Variants in GATA3 observed in about 807,000 individuals in gnomAD.
The protein encoded by GATA3 is GATA binding protein 3.
GATA3 carries 6 observed loss-of-function variants against 36.0 expected under a neutral mutation model. The ratio of observed to expected loss-of-function variants is 0.17; its 90% CI spans 0.09 to 0.33. The LOEUF is 0.33. Ranked by LOEUF, GATA3 falls within the 10% of genes least tolerant of loss-of-function variation. GATA3 has a pLI of 1.00. For synonymous variants in GATA3, 326 were observed against 273.0 expected, an observed-to-expected ratio of 1.19 and a Z score of -1.92; for missense variants, 514 against 610.1, an observed-to-expected ratio of 0.84 and a Z score of 1.66.
At chr10:8,060,210 G>T (rs1161394456) in intron 3 of GATA3, among the ~76,000 whole-genome samples, 2 of 152,262 alleles carry the variant, frequency 1.3e-5, no homozygotes, top group Non-Finnish European at 2.9e-5. Flanking sequence ...CGCGACAGTT[G>T]CATTGTTTAT....
At chr10:8,050,779 TG>T, upstream of GATA3, 1 of 342,128 alleles carries the variant, frequency 2.9e-6, no homozygotes, top group Non-Finnish European at 6.0e-6. Flanking sequence ...GCGCTCTGCT[TG>T]CAAAGTCTTT....
chr10:8,058,194 T>A, intron 2 of GATA3, 111 bp from the exon 3 acceptor site: 2 of 1,233,386 alleles, frequency 1.6e-6, no homozygotes, highest in South Asian at 2.5e-5. Flanking sequence ...CCCGGGCTTT[T>A]GCTGAAAAGG....
intron 2 of GATA3, among the ~76,000 whole-genome samples, chr10:8,056,394 C>T (rs1341939768): frequency 6.6e-6 from 1 of 152,206 alleles, no homozygotes; most frequent in Admixed American, 6.5e-5. Context: ...TGCCAGCGTC[C>T]CTCAATTCGC....
upstream of GATA3, chr10:8,050,375 C>T (rs1325869205): frequency 6.6e-6 from 1 of 152,304 alleles, no homozygotes; most frequent in South Asian, 2.1e-4. Flanking sequence ...GCCGCGGACC[C>T]GGCTGGTGCG....
At chr10:8,059,318 C>G (rs1033001578) in intron 3 of GATA3, among the ~76,000 whole-genome samples, 1 of 152,182 alleles carries the variant, frequency 6.6e-6, no homozygotes, top group African/African-American at 2.4e-5. Flanking sequence ...AAGGGGACCA[C>G]GCAGTGAGGA....
intron 4 of GATA3, among the ~76,000 whole-genome samples, chr10:8,067,700 C>A (rs1832867215): frequency 6.6e-6 from 1 of 151,934 alleles, no homozygotes; most frequent in Non-Finnish European, 1.5e-5. Context: ...CGCCTGTAGT[C>A]CCAGCTACTT....
At chr10:8,059,269 T>C (rs1412127715) in intron 3 of GATA3, among the ~76,000 whole-genome samples, 1 of 152,206 alleles carries the variant, frequency 6.6e-6, no homozygotes, top group Non-Finnish European at 1.5e-5. Flanking sequence ...ATGACCCCTT[T>C]GGCCTCTGTC....
At chr10:8,049,775 G>C (rs564969267), upstream of GATA3, among the ~76,000 whole-genome samples, 3 of 152,292 alleles carry the variant, frequency 2.0e-5, no homozygotes, top group Non-Finnish European at 1.5e-5. Flanking sequence ...ACGGAGGTGT[G>C]CGCGCTCCAA....
intron 4 of GATA3, among the ~76,000 whole-genome samples, chr10:8,067,310 T>C (rs1192185667): frequency 6.6e-6 from 1 of 152,164 alleles, no homozygotes; most frequent in Non-Finnish European, 1.5e-5. Flanking sequence ...AGTTTCCAGT[T>C]CCTTAGAACA....
upstream of GATA3, chr10:8,050,909 G>A (rs748206868): frequency 1.3e-5 from 6 of 479,248 alleles, no homozygotes; most frequent in African/African-American, 8.2e-5. Context: ...TACCCAGGTC[G>A]GGCAGCGCGC....
intron 5 of GATA3, among the ~76,000 whole-genome samples, chr10:8,072,094 T>C (rs1832939369): frequency 1.3e-5 from 2 of 152,172 alleles, no homozygotes; most frequent in African/African-American, 2.4e-5. Context: ...CTTTCTGGGC[T>C]CTCCTGCCAT....
intron 5 of GATA3, among the ~76,000 whole-genome samples, chr10:8,071,300 A>C (rs1246201951): frequency 6.6e-6 from 1 of 152,226 alleles, no homozygotes; most frequent in Non-Finnish European, 1.5e-5. Flanking sequence ...GCAGTGTCAG[A>C]ACTAAGAGGA....
rs562869082 is a variant in GATA3, at chr10:8,059,604, G to C, written c.778+763G>C. On this transcript the variant is annotated intron_variant, in intron 3 of 5. Transcript: ENST00000379328. Reference sequence around the variant, plus strand: ...GCAGCCAGAGGAGGTAGAAAGGAACGGAAAAGTGCTCCAGGTGTGTATCTC... The same window carrying C: ...GCAGCCAGAGGAGGTAGAAAGGAACCGAAAAGTGCTCCAGGTGTGTATCTC... Among the ~76,000 whole-genome samples the C allele has an allele frequency of 3.9e-5, 6 of 152,282 alleles. No homozygotes were observed. In the South Asian group the frequency reaches 1.2e-3, roughly 32 times the overall value.
chr10:8,073,542 G>A (rs775188070), intron 5 of GATA3, among the ~76,000 whole-genome samples, 197 bp from the exon 6 acceptor site: 18 of 152,022 alleles, frequency 1.2e-4, no homozygotes, highest in Non-Finnish European at 2.1e-4. Context: ...CTGTAATCTG[G>A]TAACTGTATG....
upstream of GATA3, among the ~76,000 whole-genome samples, chr10:8,054,085 G>C (rs189077932): frequency 1.3e-5 from 2 of 152,162 alleles, no homozygotes; most frequent in African/African-American, 4.8e-5. This position sits in a 1 kb window ranked among gnomAD's most constrained non-coding sequence, Gnocchi z 4.2. Flanking sequence ...CCAGTCAAAG[G>C]CATCTCCCCT....
In GATA3 at chr10:8,058,591, C is replaced by T; in HGVS notation, c.528C>T (p.Ala176=). 1 of 1,612,044 alleles carries T rather than the reference C, an allele frequency of 6.2e-7. No homozygotes were observed. The highest frequency in any genetic ancestry group is 8.5e-7 in the Non-Finnish European group (1 of 1,179,912). The part of the protein sequence containing the change: ...SLSTPGSAGS[A]RQDEKECLKY... The stretch of plus-strand genomic sequence containing the variant: ...CCACCCCAGGCTCGGCCGGCTCGGC[C>T]CGGCAGGACGAGAAAGAGTGCCTCA... Residue 176 remains alanine (A), a synonymous_variant, in exon 3 of 6, where the codon GCC becomes GCT. Transcript: ENST00000379328.
chr10:8,056,005 C>G (rs1204561072), intron 2 of GATA3, 109 bp downstream of exon 2: 2 of 1,408,344 alleles, frequency 1.4e-6, no homozygotes, highest in Admixed American at 2.0e-5. Context: ...AAGCCCCCAT[C>G]TGCCGTTCCT....
At chr10:8,056,795 T>TA (rs1205067678) in intron 2 of GATA3, among the ~76,000 whole-genome samples, 3 of 151,976 alleles carry the variant, frequency 2.0e-5, no homozygotes, top group African/African-American at 4.8e-5. Flanking sequence ...TTCTGAAATG[T>TA]AAAAAAAGAA....
At chr10:8,050,461 C>T (rs1588367310), upstream of GATA3, 1 of 152,810 alleles carries the variant, frequency 6.5e-6, no homozygotes, top group African/African-American at 2.4e-5. Flanking sequence ...CCGCTTCACA[C>T]CGTTTTTATT....
Sources: allele counts gnomAD v4.1 joint callset (sites outside exome capture counted in the v4.1 genomes callset), GRCh38; gene constraint gnomAD v4.1.1; non-coding constraint Gnocchi (gnomAD v3.1); transcripts MANE v1.5; gene names NCBI Gene and HGNC (gene_info 2026-07-23, HGNC 2026-07-21).